BRSK2: variants seen among roughly 807,000 people sequenced by gnomAD.
The protein encoded by BRSK2 is serine/threonine-protein kinase BRSK2.
BRSK2 carries 19 observed loss-of-function variants against 83.3 expected under a neutral mutation model. The ratio of observed to expected loss-of-function variants is 0.23; its 90% CI spans 0.16 to 0.33. The LOEUF is 0.33. Among genes scored for constraint, BRSK2 ranks in the 10% least tolerant of loss-of-function variants. BRSK2 has a pLI of 1.00. For synonymous variants in BRSK2, 519 were observed against 435.4 expected (o/e 1.19, Z -2.39); for missense variants, 798 against 1,042.3 (o/e 0.77, Z 3.23).
At chr11:1,426,968 C>T (rs1231929610) in intron 1 of BRSK2, among the ~76,000 whole-genome samples, 1 of 152,148 alleles carries the variant, frequency 6.6e-6, no homozygotes, top group Admixed American at 6.5e-5. Context: ...ACCTGCTGCG[C>T]AACTTTAGTC....
At chr11:1,434,811 A>C (rs983684211) in intron 1 of BRSK2, among the ~76,000 whole-genome samples, 1 of 152,122 alleles carries the variant, frequency 6.6e-6, no homozygotes, top group Non-Finnish European at 1.5e-5. Flanking sequence ...CCCAACATGG[A>C]ATGGCACATG....
At chr11:1,416,553 T>A (rs756334445) in intron 1 of BRSK2, among the ~76,000 whole-genome samples, 47 of 152,200 alleles carry the variant, frequency 3.1e-4, no homozygotes, top group Non-Finnish European at 5.7e-4. Context: ...TACCGGCGGT[T>A]GTATTTAGCC....
At chr11:1,428,980 G>T (rs1278770091) in intron 1 of BRSK2, among the ~76,000 whole-genome samples, 3 of 151,362 alleles carry the variant, frequency 2.0e-5, no homozygotes, top group African/African-American at 7.3e-5. Flanking sequence ...GTGTGGGCGT[G>T]TGCACTGGGT....
At chr11:1,410,733 G>T in intron 1 of BRSK2, 1 of 985,240 alleles carries the variant, frequency 1.0e-6, no homozygotes, top group Non-Finnish European at 1.2e-6. Context: ...CATGGGGGAG[G>T]CTGGTCCTCC....
At position 1,390,877 on chromosome 11, in the gene BRSK2, CGGGAGAGTGCG is replaced by C. The variant is rs924194256; in HGVS notation, c.91+507_91+517del. Among the ~76,000 whole-genome samples the C allele has an allele frequency of 2.6e-5, 4 of 152,160 alleles. No individual in the cohort carries two copies. Among genetic ancestry groups the C allele is most frequent in the Non-Finnish European group, 4.4e-5 (3 of 67,994 alleles). On this transcript the variant is annotated intron_variant, in intron 1 of 19. Transcript: ENST00000528841. The surrounding 1 kb of genome is among the most constrained non-coding windows in gnomAD (Gnocchi z 6.8). Reference sequence around the variant, plus strand: ...GCCCGATCTCCCTCCGCGGTGGGGGCGGGAGAGTGCGGGGACCTGCAGAGGGCTGGACAGCG... The same window carrying C: ...GCCCGATCTCCCTCCGCGGTGGGGGCGGGACCTGCAGAGGGCTGGACAGCG...
At chr11:1,402,993 C>G (rs919789358) in intron 1 of BRSK2, among the ~76,000 whole-genome samples, 1 of 152,132 alleles carries the variant, frequency 6.6e-6, no homozygotes, top group Non-Finnish European at 1.5e-5. Context: ...AAGCCAGAGC[C>G]GCCGAGGGCG....
intron 5 of BRSK2, 31 bp from the exon 6 acceptor site, chr11:1,443,075 C>T: frequency 1.3e-6 from 2 of 1,527,386 alleles, no homozygotes; most frequent in Non-Finnish European, 1.8e-6. Flanking sequence ...GCGCCCGGAG[C>T]CCCGCCGCTG....
rs1554914766 is a variant in BRSK2, at chr11:1,454,191, A to ACCTGTGGT, written c.1545-294_1545-293insCCTGTGGT. 1 of 179,002 alleles carries ACCTGTGGT rather than the reference A, an allele frequency of 5.6e-6. No homozygotes were observed. Among genetic ancestry groups the ACCTGTGGT allele is most frequent in the South Asian group, 6.8e-5 (1 of 14,700 alleles). 11.1% of individuals were successfully genotyped at this position (179,002 alleles called of 1,614,324 possible). ...TCACCTGTGGGGGGCTCACCTGTGG[A>ACCTGTGGT]GGGGCATCCCCAGACTTGGGAGTGG... is the stretch of plus-strand genomic sequence containing the variant. On this transcript the variant is annotated intron_variant, in intron 15 of 19. Transcript: ENST00000528841. This position sits in a 1 kb window ranked among gnomAD's most constrained non-coding sequence, Gnocchi z 5.2.
intron 1 of BRSK2, among the ~76,000 whole-genome samples, chr11:1,424,583 C>A (rs1848986859): frequency 1.3e-5 from 2 of 152,208 alleles, no homozygotes; most frequent in East Asian, 1.9e-4. Flanking sequence ...ACCTGGGCTG[C>A]TTTGTGCCCC....
In BRSK2 at chr11:1,443,366, T is replaced by C. The variant is rs775999014; in HGVS notation, c.596T>C (p.Val199Ala). Residue 199 changes from valine to alanine, a missense_variant, in exon 7 of 20, where the codon GTG (valine) becomes GCG (alanine). Coordinates refer to ENST00000528841, the MANE Select transcript of BRSK2 (RefSeq NM_001256627.2). ...GEKYDGRKADVWSCGVILFAL... is the reference protein window; with the variant it reads ...GEKYDGRKADAWSCGVILFAL... ...AAGTATGACGGCCGGAAGGCGGACG[T>C]GTGGAGCTGCGGCGTCATCCTGTTC... is the stretch of plus-strand genomic sequence containing the variant. The C allele has an allele frequency of 4.4e-6, 7 of 1,608,272 alleles. No homozygotes were observed. The highest frequency in any genetic ancestry group is 5.9e-6 in the Non-Finnish European group (7 of 1,178,398).
chr11:1,436,250 G>GGCCCCCCCC, intron 2 of BRSK2, 116 bp downstream of exon 2: 1 of 168,872 alleles, frequency 5.9e-6, no homozygotes, highest in Non-Finnish European at 9.5e-6. Flanking sequence ...GGGGGGGCGG[G>GGCCCCCCCC]CCCTGCAGGC....
intron 3 of BRSK2, among the ~76,000 whole-genome samples, chr11:1,440,287 C>G (rs550550785): frequency 6.6e-6 from 1 of 152,168 alleles, no homozygotes; most frequent in African/African-American, 2.4e-5. Context: ...CACCCCCTTC[C>G]CCTGGCCCTC....
Position 1,440,911 on chromosome 11 carries a change from C to T in BRSK2, c.396C>T (p.Cys132=). ...AGATCATCTCTGCGCTGGACTTCTG[C>T]CACAGCCACTCCATATGGTGAGGCC... The part of the protein sequence containing the change: ...FRQIISALDF[C]HSHSICHRDL... The change falls in exon 4 of 20, where the codon TGC becomes TGT. Residue 132 remains cysteine, a synonymous_variant. Coordinates refer to ENST00000528841, the MANE Select transcript of BRSK2 (RefSeq NM_001256627.2). 5 of 1,609,618 alleles carry T rather than the reference C, an allele frequency of 3.1e-6. No individual in the cohort carries two copies. Among genetic ancestry groups the T allele is most frequent in the Non-Finnish European group, 4.2e-6 (5 of 1,178,844 alleles).
In BRSK2 at chr11:1,461,049, C is replaced by A. The variant is rs1590745085; in HGVS notation, c.*326C>A. ...AAGGCAGCTGCTGCGGACCCGCCCT[C>A]CCTCCGCTCCTGCTGTTGCTGCCGG... On this transcript the variant is annotated 3_prime_UTR_variant, in exon 20 of 20. Coordinates refer to ENST00000528841, the MANE Select transcript of BRSK2 (RefSeq NM_001256627.2). The A allele has an allele frequency of 6.2e-7, 1 of 1,606,302 alleles. No homozygotes were observed. The highest frequency in any genetic ancestry group is 2.2e-5 in the East Asian group (1 of 44,760).
At chr11:1,440,333 C>G (rs923863946) in intron 3 of BRSK2, among the ~76,000 whole-genome samples, 2 of 152,156 alleles carry the variant, frequency 1.3e-5, no homozygotes, top group African/African-American at 2.4e-5. Context: ...CCCAGACAGT[C>G]CCTGGGCCCC....
In BRSK2 at chr11:1,438,693, GGCAGGAGCAC is replaced by G. The variant is rs1850687020; in HGVS notation, c.272+303_272+312del. ...GGGAGATAGGAGTTTCAGGGCAAGG[GGCAGGAGCAC>G]CTGGCCCTCCCCACATGGCCACGCT... On this transcript the variant is annotated intron_variant, in intron 3 of 19. Transcript: ENST00000528841. This position sits in a 1 kb window ranked among gnomAD's most constrained non-coding sequence, Gnocchi z 6.4. Among the ~76,000 whole-genome samples, 3 of 152,048 alleles carry G rather than the reference GGCAGGAGCAC, an allele frequency of 2.0e-5. No individual in the cohort carries two copies. The highest frequency in any genetic ancestry group is 2.0e-4 in the Admixed American group (3 of 15,286).
At chr11:1,425,893 T>C (rs1849158125) in intron 1 of BRSK2, among the ~76,000 whole-genome samples, 1 of 152,092 alleles carries the variant, frequency 6.6e-6, no homozygotes, top group African/African-American at 2.4e-5. Context: ...CTGAGTTTCC[T>C]GGGTACACCT....
chr11:1,411,264 A>T (rs1847464361), intron 1 of BRSK2: 2 of 1,302,836 alleles, frequency 1.5e-6, no homozygotes, highest in Non-Finnish European at 1.9e-6. Context: ...CTCCTGGGCC[A>T]GATCAGCAGG....
At chr11:1,459,445 C>T (rs920524909) in intron 19 of BRSK2, 12 of 606,882 alleles carry the variant, frequency 2.0e-5, no homozygotes, top group Non-Finnish European at 3.0e-5. Flanking sequence ...GGCGGGGTTC[C>T]TGGCCAGACT....
Sources: allele counts gnomAD v4.1 joint callset (sites outside exome capture counted in the v4.1 genomes callset), GRCh38; gene constraint gnomAD v4.1.1; non-coding constraint Gnocchi (gnomAD v3.1); transcripts MANE v1.5; gene names NCBI Gene and HGNC (gene_info 2026-07-23, HGNC 2026-07-21).